Variants in PPP2R2B observed in about 807,000 individuals in gnomAD.
The protein encoded by PPP2R2B is serine/threonine-protein phosphatase 2A 55 kDa regulatory subunit B beta isoform.
In PPP2R2B, 5 loss-of-function variants were observed where a neutral mutation model predicts 46.0. The observed-to-expected ratio is 0.11, with a 90% confidence interval of 0.06 to 0.23. PPP2R2B has a LOEUF of 0.23. Ranked by LOEUF, PPP2R2B falls within the 10% of genes least tolerant of loss-of-function variation. The pLI, the probability that PPP2R2B is intolerant of heterozygous loss-of-function variation, is 1.00. For missense variants in PPP2R2B, 367 were observed against 575.0 expected (o/e 0.64, Z 3.70); for synonymous variants, 215 against 206.7 (o/e 1.04, Z -0.34).
Position 146,639,540 on chromosome 5 carries a change from G to A in PPP2R2B, c.626-1125C>T, listed in dbSNP as rs921293252. Among the ~76,000 whole-genome samples, 6 of 152,128 alleles carry A rather than the reference G, an allele frequency of 3.9e-5. No individual in the cohort carries two copies. The East Asian group carries it at 1.2e-3, about 29-fold the overall frequency. On this transcript the variant is annotated intron_variant, in intron 6 of 9. Transcript: ENST00000394411. ...CTCCACCCAGAGCTTGGGGGATCAG[G>A]ACACAGAGGGGCCGAGGTACTGTCT...
chr5:146,801,335 A>G (rs1019968521), intron 2 of PPP2R2B, among the ~76,000 whole-genome samples: 2 of 152,198 alleles, frequency 1.3e-5, no homozygotes, highest in Non-Finnish European at 2.9e-5. Context: ...TTCTTGCCAT[A>G]TATACACAGA....
intron 2 of PPP2R2B, among the ~76,000 whole-genome samples, chr5:146,870,265 T>C (rs1407553950): frequency 2.6e-5 from 4 of 152,196 alleles, no homozygotes; most frequent in African/African-American, 9.6e-5. Context: ...ATCTATATGT[T>C]GAAGCCCTAA....
At chr5:146,596,141 CTG>C (rs1266086898) in intron 8 of PPP2R2B, among the ~76,000 whole-genome samples, 4 of 152,186 alleles carry the variant, frequency 2.6e-5, no homozygotes, top group Non-Finnish European at 5.9e-5. Context: ...CTGTACATGG[CTG>C]TGTCTTAATA....
At chr5:146,945,014 A>G (rs966682737) in intron 1 of PPP2R2B, among the ~76,000 whole-genome samples, 7 of 152,186 alleles carry the variant, frequency 4.6e-5, no homozygotes, top group African/African-American at 1.2e-4. Flanking sequence ...CAAAACCCTC[A>G]TTTACACAGA....
intron 5 of PPP2R2B, among the ~76,000 whole-genome samples, chr5:146,655,824 C>T (rs1776289905): frequency 6.6e-6 from 1 of 151,576 alleles, no homozygotes; most frequent in Admixed American, 6.6e-5. Context: ...CCTGGGGATC[C>T]CAAGGCAGAC....
intron 2 of PPP2R2B, among the ~76,000 whole-genome samples, chr5:146,787,613 G>C (rs1402661543): frequency 6.6e-6 from 1 of 151,892 alleles, no homozygotes; most frequent in Non-Finnish European, 1.5e-5. Context: ...TGTCACCCAG[G>C]CTGGAGTGCA....
intron 1 of PPP2R2B, among the ~76,000 whole-genome samples, chr5:146,990,370 T>C (rs895869472): frequency 3.3e-5 from 5 of 152,028 alleles, no homozygotes; most frequent in South Asian, 4.1e-4. Context: ...ATGGTACTTA[T>C]AGAAAAACAG....
chr5:146,872,016 T>C (rs1275288614), intron 2 of PPP2R2B, among the ~76,000 whole-genome samples: 5 of 152,164 alleles, frequency 3.3e-5, no homozygotes, highest in Non-Finnish European at 7.4e-5. Context: ...CAGCTAAGTG[T>C]CGAAATTGGA....
At chr5:146,875,101 C>G (rs1761822612) in intron 2 of PPP2R2B, among the ~76,000 whole-genome samples, 1 of 152,178 alleles carries the variant, frequency 6.6e-6, no homozygotes, top group African/African-American at 2.4e-5. Context: ...CAAGGTTTTC[C>G]ATTGAATGTG....
At chr5:146,845,537 G>A (rs1759948311) in intron 2 of PPP2R2B, among the ~76,000 whole-genome samples, 1 of 150,366 alleles carries the variant, frequency 6.7e-6, no homozygotes, top group Non-Finnish European at 1.5e-5. Flanking sequence ...ACAGGCGTGA[G>A]CCACCACACC....
At chr5:147,030,328 T>C (rs929575395) in intron 1 of PPP2R2B, among the ~76,000 whole-genome samples, 1 of 152,170 alleles carries the variant, frequency 6.6e-6, no homozygotes, top group Non-Finnish European at 1.5e-5. Context: ...TACATGTTAA[T>C]TAGGTATCTA....
intron 5 of PPP2R2B, among the ~76,000 whole-genome samples, chr5:146,675,114 A>G (rs1296707400): frequency 6.6e-6 from 1 of 152,112 alleles, no homozygotes; most frequent in Non-Finnish European, 1.5e-5. Context: ...GGCATGCGCC[A>G]CCACACCCAG....
upstream of PPP2R2B, among the ~76,000 whole-genome samples, chr5:146,883,152 C>T (rs1762220649): frequency 6.6e-6 from 1 of 152,326 alleles, no homozygotes; most frequent in Non-Finnish European, 1.5e-5. Context: ...TGTCCCAGCT[C>T]AGGCATTTAT....
chr5:146,633,477 G>T (rs1774579352), intron 7 of PPP2R2B, among the ~76,000 whole-genome samples: 1 of 152,250 alleles, frequency 6.6e-6, no homozygotes, highest in Non-Finnish European at 1.5e-5. Flanking sequence ...TTCCCAGCTG[G>T]CAGGAGCTGG....
At chr5:146,894,196 T>G (rs1466055665) in intron 1 of PPP2R2B, among the ~76,000 whole-genome samples, 2 of 152,202 alleles carry the variant, frequency 1.3e-5, no homozygotes, top group African/African-American at 4.8e-5. Flanking sequence ...GTACAATCAT[T>G]TCCTAAAGTG....
chr5:146,813,921 G>A (rs1042422127), intron 2 of PPP2R2B, among the ~76,000 whole-genome samples: 2 of 152,190 alleles, frequency 1.3e-5, no homozygotes, highest in Non-Finnish European at 2.9e-5. Flanking sequence ...ACCAGGACAG[G>A]AAGTGGCAAG....
chr5:146,774,899 A>G (rs916255139), intron 2 of PPP2R2B, among the ~76,000 whole-genome samples: 3 of 152,146 alleles, frequency 2.0e-5, no homozygotes, highest in East Asian at 1.9e-4. Flanking sequence ...TAACTGGACA[A>G]ATTCCTAGAA....
exon 1 of PPP2R2B, chr5:147,081,314 G>A: frequency 6.5e-7 from 1 of 1,534,948 alleles, no homozygotes; most frequent in South Asian, 1.2e-5. Context: ...CGGTCAGTCT[G>A]CAAGTACCAC....
At chr5:146,732,293 T>C (rs574438793) in intron 2 of PPP2R2B, among the ~76,000 whole-genome samples, 1 of 152,356 alleles carries the variant, frequency 6.6e-6, no homozygotes, top group East Asian at 1.9e-4. Context: ...ATAAAAATTT[T>C]TGCAAGGACC....
Sources: gnomAD v4.1 joint callset for allele counts (sites outside exome capture counted in the v4.1 genomes callset) on GRCh38, gnomAD v4.1.1 for gene constraint, MANE v1.5 for transcripts, NCBI Gene and HGNC (gene_info 2026-07-23, HGNC 2026-07-21) for gene names.